CFI: variants seen among roughly 807,000 people sequenced by gnomAD.
The protein encoded by CFI is C3B/C4B inactivator.
Under a neutral mutation model 78.8 loss-of-function variants are expected in CFI, and 66 were observed. The observed-to-expected ratio is 0.84, with a 90% CI of 0.69 to 1.03. The LOEUF is 1.03. Ranked by LOEUF, CFI falls within the 50% of genes least tolerant of loss-of-function variation. The pLI is 0.00. For missense variants in CFI, 706 were observed against 704.5 expected (o/e 1.00, Z -0.02); for synonymous variants, 250 against 232.6 (o/e 1.07, Z -0.68).
In CFI at chr4:109,760,612, T is replaced by G. The variant is rs775409716; in HGVS notation, c.683A>C (p.Gln228Pro). Residue 228 changes from glutamine to proline, a missense_variant, in exon 5 of 13, where the codon CAG becomes CCG. By Grantham distance (76) the Gln-to-Pro change is moderately conservative. Coordinates refer to ENST00000394634, the MANE Select transcript of CFI (RefSeq NM_000204.5). ...AGAAATGTATTTCCCATTCACACACTGAAAGAAGTCATCCATTGGAGAATC... is the reference window on the plus strand; with the variant it reads ...AGAAATGTATTTCCCATTCACACACGGAAAGAAGTCATCCATTGGAGAATC... ...KADSPMDDFF[Q>P]CVNGKYISQM... 6.2e-7 allele frequency: 1 copy of G among 1,604,604 alleles called. No individual in the cohort carries two copies. The highest frequency in any genetic ancestry group is 8.5e-7 in the Non-Finnish European group (1 of 1,171,426).
intron 3 of CFI, 160 bp from the exon 4 acceptor site, chr4:109,761,852 T>C (rs1727111153): frequency 4.7e-6 from 3 of 643,394 alleles, no homozygotes; most frequent in Non-Finnish European, 8.2e-6. Flanking sequence ...AGTACCTTCA[T>C]CTATAAAAGG....
chr4:109,786,030 A>G lies in CFI; in HGVS notation c.57+15885T>C, dbSNP rs551660732. 3.2e-4 allele frequency among the ~76,000 whole-genome samples: 49 copies of G among 152,114 alleles called. No homozygotes were observed. The Middle Eastern group carries it at 0.01, about 32-fold the overall frequency. On this transcript the variant is annotated intron_variant, in intron 1 of 12. Coordinates refer to ENST00000394634, the MANE Select transcript of CFI (RefSeq NM_000204.5). The stretch of plus-strand genomic sequence containing the variant: ...AAATGGACTAATACAATGGGCTTTT[A>G]AAAAATTCTTTAAAAAAAAAACAAA...
chr4:109,772,295 G>A (rs1039430830), intron 1 of CFI, among the ~76,000 whole-genome samples: 20 of 152,346 alleles, frequency 1.3e-4, no homozygotes, highest in East Asian at 1.9e-4. Context: ...GCCAAAATAT[G>A]AGCTGATGAT....
At chr4:109,764,772 G>A in intron 2 of CFI, 82 bp from the exon 3 acceptor site, 2 of 1,253,178 alleles carry the variant, frequency 1.6e-6, no homozygotes, top group Non-Finnish European at 2.2e-6. Flanking sequence ...AAATAATAAT[G>A]TACTTAATGT....
intron 1 of CFI, among the ~76,000 whole-genome samples, chr4:109,778,151 A>T (rs1437582914): frequency 6.6e-6 from 1 of 152,204 alleles, no homozygotes. Context: ...ACTGAAGGAG[A>T]TACGGACACA....
intron 1 of CFI, among the ~76,000 whole-genome samples, chr4:109,774,657 G>A (rs966360859): frequency 6.6e-6 from 1 of 152,166 alleles, no homozygotes; most frequent in African/African-American, 2.4e-5. Context: ...CCCTTGGAGG[G>A]TGTAAACCCT....
At chr4:109,738,123 T>C (rs1723476535), downstream of CFI, among the ~76,000 whole-genome samples, 1 of 151,328 alleles carries the variant, frequency 6.6e-6, no homozygotes, top group Non-Finnish European at 1.5e-5. Context: ...TTTTTTTTTT[T>C]TTTTTTTTTA....
Position 109,740,976 on chromosome 4 carries a change from C to T in CFI, c.1669G>A (p.Gly557Ser). The change falls in exon 13 of 13, where the codon GGT (glycine) becomes AGT (serine). Residue 557 changes from glycine (G) to serine (S), a missense_variant. Coordinates refer to ENST00000394634, the MANE Select transcript of CFI (RefSeq NM_000204.5). ...GENCGKPEFPGVYTKVANYFD... is the reference protein window; with the variant it reads ...GENCGKPEFPSVYTKVANYFD... ...TAATTGGCCACTTTGGTGTAAACAC[C>T]TGGGAACTCTGGTTTTCCACAGTTT... The T allele has an allele frequency of 1.9e-6, 3 of 1,614,194 alleles. No homozygotes were observed. Among genetic ancestry groups the T allele is most frequent in the South Asian group, 2.2e-5 (2 of 91,090 alleles).
chr4:109,736,608 A>G (rs1304866575), downstream of CFI, among the ~76,000 whole-genome samples: 1 of 152,184 alleles, frequency 6.6e-6, no homozygotes, highest in Admixed American at 6.5e-5. Flanking sequence ...GTCTACCATC[A>G]AGAAAATTTG....
At chr4:109,756,676 A>T (rs1211068366) in intron 7 of CFI, among the ~76,000 whole-genome samples, 2 of 151,620 alleles carry the variant, frequency 1.3e-5, no homozygotes, top group Admixed American at 6.6e-5. Context: ...CCTGGCCAAG[A>T]TGGTGAAACC....
intron 1 of CFI, among the ~76,000 whole-genome samples, chr4:109,774,054 T>A (rs1728923213): frequency 6.6e-6 from 1 of 152,236 alleles, no homozygotes; most frequent in Non-Finnish European, 1.5e-5. Context: ...TTTATATGTT[T>A]TATTTAGAAA....
At chr4:109,763,152 A>T (rs756248730) in intron 3 of CFI, among the ~76,000 whole-genome samples, 36 of 152,158 alleles carry the variant, frequency 2.4e-4, no homozygotes, top group Non-Finnish European at 4.9e-4. Flanking sequence ...GCATTGCCTT[A>T]ATAGTAGTGA....
At chr4:109,799,980 T>C (rs1732557398) in intron 1 of CFI, among the ~76,000 whole-genome samples, 1 of 152,200 alleles carries the variant, frequency 6.6e-6, no homozygotes, top group South Asian at 2.1e-4. Context: ...CTATAAACCT[T>C]TGACTGTTTT....
chr4:109,790,282 G>A (rs1271520026), intron 1 of CFI, among the ~76,000 whole-genome samples: 1 of 151,634 alleles, frequency 6.6e-6, no homozygotes, highest in Admixed American at 6.6e-5. Context: ...TGATTCTATT[G>A]TCTTACTATA....
chr4:109,745,375 G>C (rs1256253138), intron 11 of CFI, among the ~76,000 whole-genome samples: 1 of 152,168 alleles, frequency 6.6e-6, no homozygotes, highest in African/African-American at 2.4e-5. Context: ...ATTTTTGGTA[G>C]AGACAGTGTC....
intron 1 of CFI, among the ~76,000 whole-genome samples, chr4:109,777,123 T>C (rs1275537059): frequency 6.6e-6 from 1 of 152,084 alleles, no homozygotes; most frequent in Non-Finnish European, 1.5e-5. Flanking sequence ...CACATAACAA[T>C]ACTAACCTTA....
intron 1 of CFI, among the ~76,000 whole-genome samples, chr4:109,781,538 G>C (rs1730036599): frequency 2.0e-5 from 3 of 151,902 alleles, no homozygotes; most frequent in African/African-American, 7.3e-5. Context: ...TGAACAAAAG[G>C]TCCAGGACCA....
chr4:109,773,912 T>C (rs892325307), intron 1 of CFI, among the ~76,000 whole-genome samples: 1 of 152,220 alleles, frequency 6.6e-6, no homozygotes, highest in African/African-American at 2.4e-5. Flanking sequence ...ACAAGCTCCA[T>C]AAATATTCTT....
At chr4:109,763,729 A>T (rs1359672395) in intron 3 of CFI, among the ~76,000 whole-genome samples, 1 of 151,988 alleles carries the variant, frequency 6.6e-6, no homozygotes, top group Non-Finnish European at 1.5e-5. Flanking sequence ...GCATTTGAAA[A>T]ATACTCAGCC....
Sources: gnomAD v4.1 joint callset for allele counts (sites outside exome capture counted in the v4.1 genomes callset) on GRCh38, gnomAD v4.1.1 for gene constraint, MANE v1.5 for transcripts, NCBI Gene and HGNC (gene_info 2026-07-23, HGNC 2026-07-21) for gene names.